Variants in DLC1 observed in about 807,000 individuals in gnomAD.
The protein encoded by DLC1 is DLC1 Rho GTPase activating protein.
A neutral mutation model predicts 140.3 loss-of-function variants in DLC1; 54 were observed. The observed-to-expected ratio is 0.38, with a 90% CI of 0.31 to 0.48. The LOEUF is 0.48. Among genes scored for constraint, DLC1 ranks in the 20% least tolerant of loss-of-function variants. The pLI is 0.96. For missense variants in DLC1, 2,536 were observed against 1,907.0 expected (o/e 1.33, Z -6.14); for synonymous variants, 986 against 728.1 (o/e 1.35, Z -5.70).
At chr8:13,264,981 G>A (rs895939807) in intron 5 of DLC1, among the ~76,000 whole-genome samples, 1 of 152,172 alleles carries the variant, frequency 6.6e-6, no homozygotes, top group Admixed American at 6.5e-5. Flanking sequence ...TCTTCAAAGT[G>A]AACAGAGATT....
At chr8:13,496,346 A>C (rs995848609) in intron 2 of DLC1, among the ~76,000 whole-genome samples, 3 of 152,186 alleles carry the variant, frequency 2.0e-5, no homozygotes, top group African/African-American at 7.2e-5. Flanking sequence ...CAGCTTATAT[A>C]CTAAATATTA....
chr8:13,185,680 C>G lies in DLC1; in HGVS notation c.1349-70023G>C, dbSNP rs534185736. Among the ~76,000 whole-genome samples the G allele has an allele frequency of 2.0e-5, 3 of 152,164 alleles. No individual in the cohort carries two copies. The East Asian group carries it at 5.8e-4, about 29-fold the overall frequency. ...TAATATTGTTATGTGTGAACTTGAT[C>G]CTGTCATTATGATGTTCATTGGTTA... is the stretch of plus-strand genomic sequence containing the variant. On this transcript the variant is annotated intron_variant, in intron 5 of 17. Coordinates refer to ENST00000276297, the MANE Select transcript of DLC1 (RefSeq NM_182643.3).
rs554156186 is a variant in DLC1 at position 13,186,152 on chromosome 8, C to A, written c.1349-70495G>T. On this transcript the variant is annotated intron_variant, in intron 5 of 17. Transcript: ENST00000276297. ...TGGGGTTGGTCTTCTCGAGAAGTAT[C>A]TTTGTGGTGTTCTCTGTATTTCCTG... 7.9e-5 allele frequency among the ~76,000 whole-genome samples: 12 copies of A among 152,230 alleles called. No individual in the cohort carries two copies. The South Asian group carries it at 2.5e-3, about 32-fold the overall frequency.
In DLC1 at chr8:13,141,781, T is replaced by G. The variant is rs142528854; in HGVS notation, c.1349-26124A>C. On this transcript the variant is annotated intron_variant, in intron 5 of 17. Coordinates refer to ENST00000276297, the MANE Select transcript of DLC1 (RefSeq NM_182643.3). ...CTGCCGTCTATCTTCCAAGATTGGCTTTTCATGTGTAACTAACTCAATTAT... is the reference window on the plus strand; with the variant it reads ...CTGCCGTCTATCTTCCAAGATTGGCGTTTCATGTGTAACTAACTCAATTAT... Among the ~76,000 whole-genome samples the G allele has an allele frequency of 7.9e-3, 1,198 of 152,330 alleles. 4 individuals carry two copies. Among genetic ancestry groups the G allele is most frequent in the Non-Finnish European group, 0.012 (786 of 68,032 alleles).
rs142019811 is a variant in DLC1 at position 13,598,633 on chromosome 8, C to G, written c.-126+5904G>C. Among the ~76,000 whole-genome samples the G allele has an allele frequency of 9.2e-4, 140 of 152,108 alleles. 1 individual carries two copies. Among genetic ancestry groups the G allele is most frequent in the African/African-American group, 3.1e-3 (129 of 41,544 alleles). On this transcript the variant is annotated intron_variant, in intron 1 of 1. Transcript: ENST00000631382. ...ATCCATAAGCTGATGAACACATTTA[C>G]ATTTGCATGCACTATTTTTTCTTAC...
intron 2 of DLC1, among the ~76,000 whole-genome samples, chr8:13,473,448 T>A (rs1480424628): frequency 6.6e-6 from 1 of 152,192 alleles, no homozygotes; most frequent in African/African-American, 2.4e-5. Flanking sequence ...ACTTGCTTCT[T>A]CTTCCTTCTG....
chr8:13,141,256 C>CA (rs34321250), intron 5 of DLC1, among the ~76,000 whole-genome samples: 6,681 of 63,516 alleles, frequency 0.11, 1,412 homozygotes, highest in Non-Finnish European at 0.12. Flanking sequence ...GAGTCTGTCT[C>CA]AAAAAAAAAA....
At chr8:13,393,714 T>C in intron 3 of DLC1, 21 bp from the exon 4 acceptor site, 1 of 1,605,162 alleles carries the variant, frequency 6.2e-7, no homozygotes, top group Admixed American at 1.7e-5. Flanking sequence ...ACAAATGCAC[T>C]GGTATGAAGG....
intron 4 of DLC1, among the ~76,000 whole-genome samples, chr8:13,384,363 T>C (rs925955445): frequency 8.0e-6 from 1 of 125,474 alleles, no homozygotes; most frequent in Non-Finnish European, 1.9e-5. Flanking sequence ...GACAAAACTA[T>C]GTGTGTGAGC....
chr8:13,580,951 G>A (rs1483371658), intron 1 of DLC1, among the ~76,000 whole-genome samples: 2 of 152,174 alleles, frequency 1.3e-5, no homozygotes, highest in Admixed American at 6.5e-5. Context: ...CATGATTTGA[G>A]CTTCCCACCA....
At chr8:13,525,826 T>C (rs1447748732) in intron 1 of DLC1, among the ~76,000 whole-genome samples, 2 of 152,180 alleles carry the variant, frequency 1.3e-5, no homozygotes, top group Non-Finnish European at 2.9e-5. Flanking sequence ...TTTTGATAAA[T>C]GAAATAACTC....
At chr8:13,259,985 C>A (rs1198533714) in intron 5 of DLC1, among the ~76,000 whole-genome samples, 1 of 152,030 alleles carries the variant, frequency 6.6e-6, no homozygotes, top group African/African-American at 2.4e-5. Context: ...ATTACAAGAG[C>A]AGGAGAAATG....
chr8:13,316,274 G>A (rs73663546), intron 4 of DLC1, among the ~76,000 whole-genome samples: 2,906 of 152,238 alleles, frequency 0.019, 110 homozygotes, highest in African/African-American at 0.065. Flanking sequence ...AGGGCAATGT[G>A]GGTTAGGTGG....
At chr8:13,591,372 T>A (rs962885056) in intron 1 of DLC1, among the ~76,000 whole-genome samples, 2 of 152,044 alleles carry the variant, frequency 1.3e-5, no homozygotes, top group African/African-American at 4.8e-5. Flanking sequence ...CTTGTGATAG[T>A]GAGTGAGTTA....
chr8:13,184,611 G>C (rs1240047833), intron 5 of DLC1, among the ~76,000 whole-genome samples: 1 of 152,170 alleles, frequency 6.6e-6, no homozygotes, highest in East Asian at 1.9e-4. Context: ...GTGTGGTTTT[G>C]AGTTAGTTTT....
intron 5 of DLC1, among the ~76,000 whole-genome samples, chr8:13,233,799 G>A (rs184595616): frequency 6.6e-6 from 1 of 152,002 alleles, no homozygotes; most frequent in Admixed American, 6.6e-5. Flanking sequence ...CAGCTGTTTG[G>A]GTATTAAATA....
At chr8:13,520,154 C>T (rs1193281908) in intron 1 of DLC1, among the ~76,000 whole-genome samples, 6 of 152,248 alleles carry the variant, frequency 3.9e-5, no homozygotes, top group East Asian at 1.9e-4. Flanking sequence ...AATCATTCTA[C>T]GATAAAGACA....
chr8:13,437,282 C>T (rs1433886804), intron 2 of DLC1, among the ~76,000 whole-genome samples: 3 of 152,162 alleles, frequency 2.0e-5, no homozygotes, highest in East Asian at 1.9e-4. Flanking sequence ...GTATTTAAGG[C>T]CTGCTGCCTG....
At chr8:13,307,826 T>C (rs540374667) in intron 4 of DLC1, among the ~76,000 whole-genome samples, 1 of 152,316 alleles carries the variant, frequency 6.6e-6, no homozygotes, top group South Asian at 2.1e-4. Flanking sequence ...GAGGTCATGC[T>C]GTCACTAACG....
Sources: allele counts gnomAD v4.1 joint callset (sites outside exome capture counted in the v4.1 genomes callset), GRCh38; gene constraint gnomAD v4.1.1; transcripts MANE v1.5; gene names NCBI Gene and HGNC (gene_info 2026-07-23, HGNC 2026-07-21).